Variants in SLC38A1 observed in about 807,000 individuals in gnomAD.
SLC38A1 encodes solute carrier family 38 member 1.
Under a neutral mutation model 60.3 loss-of-function variants are expected in SLC38A1, and 18 were observed. The ratio of observed to expected loss-of-function variants is 0.30; its 90% CI spans 0.21 to 0.44. The LOEUF is 0.44. SLC38A1 is among the 20% of genes least tolerant of loss of function. The probability of loss-of-function intolerance (pLI) is 1.00; values close to 1 mark genes in which losing one functional copy is unlikely to be tolerated. For missense variants in SLC38A1, 448 were observed against 587.2 expected, an observed-to-expected ratio of 0.76 and a Z score of 2.45; for synonymous variants, 196 against 212.1, an observed-to-expected ratio of 0.92 and a Z score of 0.66.
In SLC38A1 at chr12:46,219,211, C is replaced by T. The variant is rs376255698; in HGVS notation, c.314+9942G>A. On this transcript the variant is annotated intron_variant, in intron 5 of 16. Transcript: ENST00000398637. Reference sequence around the variant, plus strand: ...TCCCAAAGTTAGTTCGGCCTATGCCCAGGAATGAACAAGGACAGCTTAAGG... The same window carrying T: ...TCCCAAAGTTAGTTCGGCCTATGCCTAGGAATGAACAAGGACAGCTTAAGG... 2.7e-4 allele frequency among the ~76,000 whole-genome samples: 41 copies of T among 152,280 alleles called. No homozygotes were observed. The South Asian group carries it at 7.7e-3, about 29-fold the overall frequency.
rs146986879 is a variant in SLC38A1 at position 46,227,871 on chromosome 12, C to G, written c.314+1282G>C. Among the ~76,000 whole-genome samples, 100 of 152,188 alleles carry G rather than the reference C, an allele frequency of 6.6e-4. No homozygotes were observed. The East Asian group carries it at 0.016, about 24-fold the overall frequency. On this transcript the variant is annotated intron_variant, in intron 5 of 16. Coordinates refer to ENST00000398637, the MANE Select transcript of SLC38A1 (RefSeq NM_030674.4). ...CATTTAGAAGAGGAGTTGGGAGTAG[C>G]GCTCAGGTGTCTCATGTAAATGCAC...
intron 6 of SLC38A1, among the ~76,000 whole-genome samples, chr12:46,208,197 G>C (rs990933120): frequency 6.6e-6 from 1 of 152,200 alleles, no homozygotes; most frequent in Non-Finnish European, 1.5e-5. Context: ...AAAGAGAGCA[G>C]AAGACTAATC....
At chr12:46,200,538 G>A (rs374697428) in intron 13 of SLC38A1, among the ~76,000 whole-genome samples, 10 of 152,228 alleles carry the variant, frequency 6.6e-5, no homozygotes, top group African/African-American at 2.2e-4. Context: ...GTAAACGCCG[G>A]TAAACTGTTC....
At chr12:46,228,706 A>T (rs780032776) in intron 5 of SLC38A1, among the ~76,000 whole-genome samples, 6 of 152,200 alleles carry the variant, frequency 3.9e-5, no homozygotes, top group Non-Finnish European at 5.9e-5. Context: ...CATCTTCAAA[A>T]CACTGAAAAT....
chr12:46,194,761 G>A (rs1407789439), intron 16 of SLC38A1, among the ~76,000 whole-genome samples: 2 of 152,120 alleles, frequency 1.3e-5, no homozygotes, highest in Non-Finnish European at 2.9e-5. Context: ...TTCTTGTGCT[G>A]TGGGTTTCAG....
chr12:46,201,399 T>G (rs868241143), intron 12 of SLC38A1, among the ~76,000 whole-genome samples: 2 of 152,206 alleles, frequency 1.3e-5, no homozygotes, highest in African/African-American at 4.8e-5. Flanking sequence ...TCTGTGGAAC[T>G]ACACTCCCGT....
Position 46,188,961 on chromosome 12 carries a change from C to T in SLC38A1, c.*9G>A, listed in dbSNP as rs759825908. The T allele has an allele frequency of 1.7e-5, 28 of 1,609,912 alleles. No individual in the cohort carries two copies. The highest frequency in any genetic ancestry group is 1.6e-4 in the Middle Eastern group (1 of 6,066). The stretch of plus-strand genomic sequence containing the variant: ...AGACAACAGGGATGTTTCTTTTTCT[C>T]GGCGGGTTTCAGTGGCCTTCGTCAC... On this transcript the variant is annotated 3_prime_UTR_variant, in exon 17 of 17. Transcript: ENST00000398637.
intron 16 of SLC38A1, among the ~76,000 whole-genome samples, chr12:46,195,088 CT>C (rs1939307605): frequency 6.6e-6 from 1 of 152,286 alleles, no homozygotes; most frequent in East Asian, 1.9e-4. Context: ...TACCTTTGGT[CT>C]TTGATGTTGG....
In SLC38A1 at chr12:46,204,391, G is replaced by A. The variant is rs771412195; in HGVS notation, c.732C>T (p.Pro244=). The A allele has an allele frequency of 1.2e-6, 2 of 1,613,434 alleles. No individual in the cohort carries two copies. The highest frequency in any genetic ancestry group is 8.5e-7 in the Non-Finnish European group (1 of 1,179,532). ...TTGAATTTAGCTCTGGAACAATGCA[G>A]GGAATTTGAAATTTCTTGTAAATAA... ...IVVIYKKFQI[P]CIVPELNSTI... is the part of the protein sequence containing the mutation. Residue 244 remains proline, a synonymous_variant, in exon 11 of 17, where the codon CCC becomes CCT. Coordinates refer to ENST00000398637, the MANE Select transcript of SLC38A1 (RefSeq NM_030674.4).
intron 5 of SLC38A1, among the ~76,000 whole-genome samples, chr12:46,212,968 C>T (rs754639875): frequency 6.6e-6 from 1 of 152,196 alleles, no homozygotes; most frequent in Non-Finnish European, 1.5e-5. Context: ...TCCTACCTAA[C>T]AGTCCTGAGG....
chr12:46,211,336 G>C (rs1485369397), intron 5 of SLC38A1, among the ~76,000 whole-genome samples: 1 of 152,298 alleles, frequency 6.6e-6, no homozygotes, highest in South Asian at 2.1e-4. Context: ...ATTTTCCCAT[G>C]GGCCCAAGGC....
chr12:46,225,668 G>T (rs1188773395), intron 5 of SLC38A1, among the ~76,000 whole-genome samples: 1 of 152,178 alleles, frequency 6.6e-6, no homozygotes, highest in Non-Finnish European at 1.5e-5. Context: ...AGCATCTTAA[G>T]TGAAGCTATT....
chr12:46,238,901 C>T (rs1485514543), intron 3 of SLC38A1, among the ~76,000 whole-genome samples: 1 of 152,148 alleles, frequency 6.6e-6, no homozygotes, highest in East Asian at 1.9e-4. Context: ...TTGGGCTCAA[C>T]CATTATTATT....
chr12:46,230,483 A>G (rs1303387734), intron 3 of SLC38A1, among the ~76,000 whole-genome samples: 2 of 152,202 alleles, frequency 1.3e-5, no homozygotes, highest in African/African-American at 2.4e-5. Flanking sequence ...AGTTAACACT[A>G]TTACATCATC....
chr12:46,198,568 G>A (rs1231569459), intron 14 of SLC38A1, 57 bp downstream of exon 14: 15 of 1,212,894 alleles, frequency 1.2e-5, no homozygotes, highest in Non-Finnish European at 1.6e-5. Context: ...GCTCCTGCAG[G>A]CAGAAGGAAA....
chr12:46,216,342 T>C (rs569940907), intron 5 of SLC38A1, among the ~76,000 whole-genome samples: 1 of 152,174 alleles, frequency 6.6e-6, no homozygotes, highest in African/African-American at 2.4e-5. Flanking sequence ...ACCAAGAACT[T>C]AGTGTCGCCG....
At chr12:46,210,308 A>G (rs17096794) in intron 5 of SLC38A1, among the ~76,000 whole-genome samples, 12,240 of 152,276 alleles carry the variant, frequency 0.08, 653 homozygotes, top group South Asian at 0.13. Flanking sequence ...GGAGTACAGA[A>G]TGGTCAACAG....
At chr12:46,229,506 A>G in intron 4 of SLC38A1, 58 bp downstream of exon 4, 5 of 1,331,888 alleles carry the variant, frequency 3.8e-6, no homozygotes, top group Non-Finnish European at 5.4e-6. Context: ...AATTAAAAAG[A>G]TTTGTCCCAA....
At chr12:46,239,390 T>C (rs1941365108) in intron 3 of SLC38A1, 1 of 213,090 alleles carries the variant, frequency 4.7e-6, no homozygotes, top group Non-Finnish European at 9.6e-6. Flanking sequence ...AGTGGCATGA[T>C]CTCGGCTCAC....
Sources: allele counts gnomAD v4.1 joint callset (sites outside exome capture counted in the v4.1 genomes callset), GRCh38; gene constraint gnomAD v4.1.1; transcripts MANE v1.5; gene names NCBI Gene and HGNC (gene_info 2026-07-23, HGNC 2026-07-21).